RPS15A: variants seen among roughly 807,000 people sequenced by gnomAD.
RPS15A encodes small ribosomal subunit protein uS8.
For missense variants in RPS15A, 62 were observed against 163.4 expected (o/e 0.38, Z 3.38); for synonymous variants, 55 against 58.5 (o/e 0.94, Z 0.27).
intron 3 of RPS15A, among the ~76,000 whole-genome samples, chr16:18,787,143 G>A (rs1046137237): frequency 2.0e-5 from 3 of 152,328 alleles, no homozygotes; most frequent in East Asian, 1.9e-4. Context: ...GATTACAGGC[G>A]TGACCCACTG....
Position 18,782,392 on chromosome 16 carries a change from G to C in RPS15A, c.*617C>G, listed in dbSNP as rs1374920030. The C allele has an allele frequency of 6.7e-6, 1 of 149,040 alleles. No homozygotes were observed. The highest frequency in any genetic ancestry group is 1.5e-5 in the Non-Finnish European group (1 of 67,426). The allele number at this position is 149,040 out of a possible 1,614,324, so 9.2% of individuals were successfully genotyped here. ...AAATCCTATCTACAGAATAATCCTA[G>C]CCAGGCAAAACAAATTCATCAAAAA... is the stretch of plus-strand genomic sequence containing the variant. On this transcript the variant is annotated 3_prime_UTR_variant, in exon 5 of 5. Coordinates refer to ENST00000322989, the MANE Select transcript of RPS15A (RefSeq NM_001019.5).
intron 4 of RPS15A, chr16:18,783,367 C>T (rs570759591): frequency 8.6e-6 from 4 of 466,342 alleles, no homozygotes; most frequent in African/African-American, 5.9e-5. Context: ...GCACTGAAAA[C>T]AAAGGCTGGG....
chr16:18,782,521 A>C lies in RPS15A; in HGVS notation c.*488T>G, dbSNP rs2606565. 2.0e-5 allele frequency: 3 copies of C among 152,852 alleles called. No homozygotes were observed. Among genetic ancestry groups the C allele is most frequent in the Non-Finnish European group, 4.4e-5 (3 of 68,650 alleles). 9.5% of individuals were successfully genotyped at this position (152,852 alleles called of 1,614,324 possible). ...GCTGATCACTTGAGGCCCAGAACTC[A>C]AGACCAGCCTGGGCAACATGGCGAA... On this transcript the variant is annotated 3_prime_UTR_variant, in exon 5 of 5. Transcript: ENST00000322989.
intron 4 of RPS15A, chr16:18,783,437 G>A (rs1404806797): frequency 8.7e-6 from 3 of 346,242 alleles, no homozygotes; most frequent in African/African-American, 4.2e-5. Context: ...GAAAGTATTC[G>A]TATAAACTTG....
chr16:18,790,129 GCA>G (rs758517216), intron 1 of RPS15A, 113 bp downstream of exon 1: 2 of 152,648 alleles, frequency 1.3e-5, no homozygotes, highest in South Asian at 2.1e-4. Flanking sequence ...TCCCCTGAGT[GCA>G]CAGTCTGGGG....
At chr16:18,783,425 T>C (rs1038919038) in intron 4 of RPS15A, 2 of 362,536 alleles carry the variant, frequency 5.5e-6, no homozygotes, top group African/African-American at 4.2e-5. Context: ...GTAAGGAGAC[T>C]TGAAAGTATT....
intron 3 of RPS15A, 95 bp from the exon 4 acceptor site, chr16:18,784,918 C>G (rs1395725500): frequency 3.2e-6 from 3 of 935,508 alleles, no homozygotes; most frequent in African/African-American, 3.3e-5. Flanking sequence ...AAACAGTCCT[C>G]CAAACCAACC....
Position 18,782,293 on chromosome 16 carries a change from T to TTTA in RPS15A, c.*715_*716insTAA, listed in dbSNP as rs1300824571. The TTTA allele has an allele frequency of 1.5e-4, 13 of 87,934 alleles. No homozygotes were observed. The highest frequency in any genetic ancestry group is 4.2e-4 in the African/African-American group (10 of 23,836). The allele number at this position is 87,934 out of a possible 1,614,324, so 5.4% of individuals were successfully genotyped here. On this transcript the variant is annotated 3_prime_UTR_variant, in exon 5 of 5. Transcript: ENST00000322989. ...CCTGTGTGACAGAGCGACTTTGTCT[T>TTTA]AAAAAAAAAAAAAAAAAAAAAAAAA...
chr16:18,785,998 C>T (rs1904041896), intron 3 of RPS15A: 1 of 152,344 alleles, frequency 6.6e-6, no homozygotes. Flanking sequence ...CTTCCAAGCT[C>T]AATTTCCACG....
chr16:18,783,149 T>C, intron 4 of RPS15A, 47 bp from the exon 5 acceptor site: 2 of 1,171,716 alleles, frequency 1.7e-6, no homozygotes, highest in Non-Finnish European at 2.5e-6. Flanking sequence ...TAGTTCAACA[T>C]AGTGCCTTCT....
chr16:18,788,816 C>T (rs1413153458), intron 2 of RPS15A, 165 bp downstream of exon 2: 3 of 671,806 alleles, frequency 4.5e-6, no homozygotes, highest in Non-Finnish European at 7.6e-6. Context: ...CTCTAAGTGA[C>T]TCTTCAGCAG....
intron 3 of RPS15A, among the ~76,000 whole-genome samples, chr16:18,787,150 A>G (rs1288550202): frequency 6.6e-6 from 1 of 152,206 alleles, no homozygotes; most frequent in Non-Finnish European, 1.5e-5. Flanking sequence ...GGCGTGACCC[A>G]CTGTGCCCAG....
At chr16:18,788,017 T>TA (rs774124059) in intron 3 of RPS15A, 46 bp downstream of exon 3, 5 of 1,198,488 alleles carry the variant, frequency 4.2e-6, no homozygotes, top group Non-Finnish European at 6.2e-6. Flanking sequence ...AACGCCACAG[T>TA]AAAAAATTCT....
At chr16:18,789,190 C>A in intron 1 of RPS15A, 72 bp from the exon 2 acceptor site, 2 of 1,429,360 alleles carry the variant, frequency 1.4e-6, no homozygotes, top group South Asian at 1.4e-5. Context: ...CATTACACTG[C>A]GGAAGTATCC....
intron 4 of RPS15A, chr16:18,784,116 G>A (rs12445883): frequency 0.31 from 54,613 of 176,152 alleles, 9,400 homozygotes; most frequent in Non-Finnish European, 0.38. Flanking sequence ...GGTGGCAGGC[G>A]CCTGTATTCC....
intron 2 of RPS15A, chr16:18,788,490 TTTC>T (rs2029939143): frequency 1.3e-5 from 3 of 234,240 alleles, no homozygotes; most frequent in Non-Finnish European, 2.5e-5. Context: ...GAGTCCTTTC[TTTC>T]TTTTTTTTTT....
At position 18,788,110 on chromosome 16, in the gene RPS15A, G is replaced by T; in HGVS notation, c.166C>A (p.His56Asn). The T allele has an allele frequency of 1.2e-6, 2 of 1,612,100 alleles. No homozygotes were observed. The highest frequency in any genetic ancestry group is 1.7e-6 in the Non-Finnish European group (2 of 1,178,566). The change falls in exon 3 of 5, where the codon CAC becomes AAC. Residue 56 changes from histidine to asparagine, a missense_variant. By Grantham distance (68) the His-to-Asn change is moderately conservative. Transcript: ENST00000322989. Reference sequence around the variant, plus strand: ...TTCACAACAATTTTCCCAGCTCTGTGGTCATCAATGATTTCAAATTCGCCA... The same window carrying T: ...TTCACAACAATTTTCCCAGCTCTGTTGTCATCAATGATTTCAAATTCGCCA... ...YIGEFEIIDD[H>N]RAGKIVVNLT...
At chr16:18,789,878 G>A (rs1278935000) in intron 1 of RPS15A, 1 of 152,264 alleles carries the variant, frequency 6.6e-6, no homozygotes, top group Non-Finnish European at 1.5e-5. Context: ...TGCCAACCCC[G>A]GCACGATGCA....
chr16:18,788,438 T>C, intron 2 of RPS15A: 1 of 364,878 alleles, frequency 2.7e-6, no homozygotes, highest in South Asian at 3.9e-5. Flanking sequence ...AGAAGTGCAA[T>C]AATCCAATCT....
Sources: gnomAD v4.1 joint callset for allele counts (sites outside exome capture counted in the v4.1 genomes callset) on GRCh38, gnomAD v4.1.1 for gene constraint, MANE v1.5 for transcripts, NCBI Gene and HGNC (gene_info 2026-07-23, HGNC 2026-07-21) for gene names.